The following ARFGAP3 variants were observed in gnomAD, a reference collection of about 807,000 sequenced individuals.
The protein encoded by ARFGAP3 is ADP-ribosylation factor GTPase-activating protein 3.
A neutral mutation model predicts 75.0 loss-of-function variants in ARFGAP3; 72 were observed. That is an observed-to-expected ratio of 0.96 (90% CI 0.79 to 1.17). The LOEUF is 1.17. Ranked by LOEUF, ARFGAP3 falls within the 50% of genes most tolerant of loss-of-function variation. ARFGAP3 has a pLI of 0.00. For missense variants in ARFGAP3, 620 were observed against 626.6 expected, an observed-to-expected ratio of 0.99 and a Z score of 0.11; for synonymous variants, 221 against 217.9, an observed-to-expected ratio of 1.01 and a Z score of -0.13.
chr22:42,846,316 G>C (rs77133343), intron 2 of ARFGAP3, among the ~76,000 whole-genome samples: 1 of 152,244 alleles, frequency 6.6e-6, no homozygotes, highest in South Asian at 2.1e-4. Context: ...GCAAGGGCCT[G>C]TGGCAGGTGA....
intron 14 of ARFGAP3, among the ~76,000 whole-genome samples, chr22:42,804,648 G>A (rs1313321379): frequency 6.6e-6 from 1 of 152,018 alleles, no homozygotes; most frequent in East Asian, 1.9e-4. Flanking sequence ...CCAAAGTACT[G>A]GGATTACAGG....
chr22:42,823,215 G>A (rs932449745), intron 8 of ARFGAP3, among the ~76,000 whole-genome samples: 11 of 152,054 alleles, frequency 7.2e-5, no homozygotes, highest in African/African-American at 2.7e-4. Flanking sequence ...GCTCATATAA[G>A]TTAAGGAATG....
chr22:42,817,671 C>A, intron 10 of ARFGAP3, 58 bp downstream of exon 10: 2 of 1,375,878 alleles, frequency 1.5e-6, no homozygotes, highest in South Asian at 1.3e-5. Flanking sequence ...CAAGAAAAAT[C>A]CACTGATGAT....
chr22:42,851,188 C>T (rs1927262642), intron 1 of ARFGAP3, among the ~76,000 whole-genome samples: 1 of 152,208 alleles, frequency 6.6e-6, no homozygotes, highest in South Asian at 2.1e-4. Flanking sequence ...CACATGGAGC[C>T]CACAGTCTAG....
At chr22:42,818,186 T>C (rs1031389364) in intron 9 of ARFGAP3, among the ~76,000 whole-genome samples, 1 of 152,208 alleles carries the variant, frequency 6.6e-6, no homozygotes, top group African/African-American at 2.4e-5. Flanking sequence ...ATTTCTTACT[T>C]GGATTAATAT....
chr22:42,831,042 G>GT (rs1926260315), intron 6 of ARFGAP3, among the ~76,000 whole-genome samples: 1 of 151,872 alleles, frequency 6.6e-6, no homozygotes, highest in African/African-American at 2.4e-5. Context: ...GCTCACGCCT[G>GT]TAATCCCAGC....
At chr22:42,841,057 C>A (rs1203787497) in intron 2 of ARFGAP3, 41 bp from the exon 3 acceptor site, 7 of 1,594,522 alleles carry the variant, frequency 4.4e-6, no homozygotes, top group Non-Finnish European at 6.0e-6. Context: ...TATTTTTTAT[C>A]CCCAGGAGCA....
intron 9 of ARFGAP3, among the ~76,000 whole-genome samples, chr22:42,822,001 T>C (rs899091601): frequency 1.3e-5 from 2 of 152,204 alleles, no homozygotes; most frequent in Non-Finnish European, 2.9e-5. Flanking sequence ...GCATGTTTCA[T>C]GTGTAAACAC....
intron 9 of ARFGAP3, among the ~76,000 whole-genome samples, chr22:42,819,623 T>C (rs1925726768): frequency 6.6e-6 from 1 of 152,156 alleles, no homozygotes; most frequent in Non-Finnish European, 1.5e-5. Flanking sequence ...CCTTCCTTCC[T>C]ACCAAGTGGG....
chr22:42,815,133 C>T (rs769278321), intron 11 of ARFGAP3, among the ~76,000 whole-genome samples: 3 of 152,222 alleles, frequency 2.0e-5, no homozygotes, highest in Non-Finnish European at 2.9e-5. Context: ...CAGGCTAATA[C>T]AGACCCGTAC....
In ARFGAP3 at chr22:42,857,216, C is replaced by T; in HGVS notation, c.-34G>A. The T allele has an allele frequency of 1.3e-6, 2 of 1,502,672 alleles. No individual in the cohort carries two copies. Among genetic ancestry groups the T allele is most frequent in the Non-Finnish European group, 1.8e-6 (2 of 1,122,644 alleles). 93.1% of individuals were successfully genotyped at this position (1,502,672 alleles called of 1,614,324 possible). ...GTGAGCCGCGGCGCAGCTGGCCCAG[C>T]CAACCGGTAAGAGTCGACGAAAAGC... is the stretch of plus-strand genomic sequence containing the variant. On this transcript the variant is annotated 5_prime_UTR_variant, in exon 1 of 16. Coordinates refer to ENST00000263245, the MANE Select transcript of ARFGAP3 (RefSeq NM_014570.5).
Position 42,814,524 on chromosome 22 carries a change from T to C in ARFGAP3, c.1064+2618A>G, listed in dbSNP as rs1925496709. Among the ~76,000 whole-genome samples, 3 of 152,330 alleles carry C rather than the reference T, an allele frequency of 2.0e-5. No homozygotes were observed. The South Asian group carries it at 6.2e-4, about 32-fold the overall frequency. The stretch of plus-strand genomic sequence containing the variant: ...TTTCAAACCATAAGTAACAGTTTCA[T>C]AGCAACAGTGGCTTCTGGGTCTAAC... On this transcript the variant is annotated intron_variant, in intron 11 of 15. Transcript: ENST00000263245.
intron 8 of ARFGAP3, among the ~76,000 whole-genome samples, chr22:42,823,318 C>G (rs1161867711): frequency 6.6e-6 from 1 of 152,060 alleles, no homozygotes; most frequent in Non-Finnish European, 1.5e-5. Context: ...TTCGCTGTAT[C>G]TGAAAACTCA....
rs186161582 is a variant in ARFGAP3 at position 42,855,428 on chromosome 22, G to C, written c.69+1686C>G. Reference sequence around the variant, plus strand: ...AGGCTGGGCGCGGTGGCTCACGCCTGTAATCCCAGCACTTCAGGAGGCCGA... The same window carrying C: ...AGGCTGGGCGCGGTGGCTCACGCCTCTAATCCCAGCACTTCAGGAGGCCGA... On this transcript the variant is annotated intron_variant, in intron 1 of 15. Transcript: ENST00000263245. Among the ~76,000 whole-genome samples, 3 of 152,210 alleles carry C rather than the reference G, an allele frequency of 2.0e-5. No individual in the cohort carries two copies. In the East Asian group the frequency reaches 5.8e-4, roughly 29 times the overall value.
At chr22:42,835,980 C>CTTTTTTTTTTT (rs545758118) in intron 3 of ARFGAP3, among the ~76,000 whole-genome samples, 1 of 105,744 alleles carries the variant, frequency 9.5e-6, no homozygotes, top group Admixed American at 1.0e-4. Context: ...CCATTTCTTT[C>CTTTTTTTTTTT]TTTTTTTTTT....
At chr22:42,808,416 A>G (rs1413574984) in intron 13 of ARFGAP3, among the ~76,000 whole-genome samples, 3 of 151,888 alleles carry the variant, frequency 2.0e-5, no homozygotes, top group Non-Finnish European at 2.9e-5. Context: ...AAAAAGAAAC[A>G]TATCTATGTG....
Position 42,799,173 on chromosome 22 carries a change from A to G in ARFGAP3, c.1412-13T>C, listed in dbSNP as rs150005149. On this transcript the variant is annotated splice_polypyrimidine_tract_variant and intron_variant, in intron 14 of 15. Transcript: ENST00000263245. ...AGGCTGTAGTTCCCTGCACACACACAGCAGACACTGTCTCATCACTGCCCT... is the reference window on the plus strand; with the variant it reads ...AGGCTGTAGTTCCCTGCACACACACGGCAGACACTGTCTCATCACTGCCCT... The G allele has an allele frequency of 3.0e-4, 485 of 1,613,530 alleles. 4 individuals are homozygous for G. In the East Asian group the frequency reaches 0.011, roughly 35 times the overall value.
At chr22:42,802,785 T>C (rs1312062506) in intron 14 of ARFGAP3, among the ~76,000 whole-genome samples, 4 of 149,786 alleles carry the variant, frequency 2.7e-5, no homozygotes, top group Non-Finnish European at 5.9e-5. Context: ...GTATTTTTAG[T>C]AGAGATGTGG....
At chr22:42,806,977 G>T in intron 14 of ARFGAP3, 96 bp downstream of exon 14, 1 of 1,237,870 alleles carries the variant, frequency 8.1e-7, no homozygotes, top group Non-Finnish European at 1.1e-6. Flanking sequence ...AATAATGGTT[G>T]CTAAAATATC....
Sources: gnomAD v4.1 joint callset for allele counts (sites outside exome capture counted in the v4.1 genomes callset) on GRCh38, gnomAD v4.1.1 for gene constraint, MANE v1.5 for transcripts, NCBI Gene and HGNC (gene_info 2026-07-23, HGNC 2026-07-21) for gene names.